ARHGAP33: variants seen among roughly 807,000 people sequenced by gnomAD.
ARHGAP33 encodes the protein rho GTPase-activating protein 33.
ARHGAP33 carries 57 observed loss-of-function variants against 126.2 expected under a neutral mutation model. The observed-to-expected ratio is 0.45, with a 90% CI of 0.36 to 0.56. ARHGAP33 has a LOEUF of 0.56. ARHGAP33 is among the 20% of genes least tolerant of loss of function. ARHGAP33 has a pLI of 0.00. For synonymous variants in ARHGAP33, 711 were observed against 755.0 expected, an observed-to-expected ratio of 0.94 and a Z score of 0.95; for missense variants, 1,500 against 1,748.3, an observed-to-expected ratio of 0.86 and a Z score of 2.53.
In ARHGAP33 at chr19:35,788,129, C is replaced by G; in HGVS notation, c.3564C>G (p.Ser1188=). 6.2e-7 allele frequency: 1 copy of G among 1,611,376 alleles called. No individual in the cohort carries two copies. The highest frequency in any genetic ancestry group is 8.5e-7 in the Non-Finnish European group (1 of 1,178,868). Residue 1188 remains serine (S), a synonymous_variant, in exon 21 of 21, where the codon TCC becomes TCG. Coordinates refer to ENST00000007510, the MANE Select transcript of ARHGAP33 (RefSeq NM_001366178.1). ...CACCTGCCTCTTCCTCCTCCTCTTC[C>G]CCTCCTGCCCACCCCCGAAGCCGTT... ...GPSPASSSSS[S]PPAHPRSRSD... is the part of the protein sequence containing the mutation.
At position 35,788,301 on chromosome 19, in the gene ARHGAP33, G is replaced by T. The variant is rs1325344396; in HGVS notation, c.3736G>T (p.Gly1246Cys). 2 of 1,608,196 alleles carry T rather than the reference G, an allele frequency of 1.2e-6. No homozygotes were observed. Among genetic ancestry groups the T allele is most frequent in the African/African-American group, 2.7e-5 (2 of 74,456 alleles). ...RAAPPAYGRG[G>C]ELHRGSLYRN... ...AGCCCCGCCAGCCTACGGAAGGGGGGGCGAGCTCCACCGAGGGTCCTTGTA... is the reference window on the plus strand; with the variant it reads ...AGCCCCGCCAGCCTACGGAAGGGGGTGCGAGCTCCACCGAGGGTCCTTGTA... The change falls in exon 21 of 21, where the codon GGC becomes TGC. Residue 1246 changes from glycine (G) to cysteine (C), a missense_variant. Around this residue, in one of 6 missense-constraint regions of ARHGAP33, gnomAD observed 642 missense variants for 634.0 expected, o/e 1.01. Transcript: ENST00000007510.
chr19:35,777,571 G>C, intron 1 of ARHGAP33, 74 bp from the exon 2 acceptor site: 1 of 1,304,886 alleles, frequency 7.7e-7, no homozygotes, highest in South Asian at 1.3e-5. Flanking sequence ...CTGGACCCGC[G>C]CTGCCAGATA....
At chr19:35,783,842 A>AGGCTCT (rs1177683754) in intron 15 of ARHGAP33, among the ~76,000 whole-genome samples, 2 of 133,926 alleles carry the variant, frequency 1.5e-5, no homozygotes, top group Admixed American at 1.7e-4. Context: ...GACCGGAAGG[A>AGGCTCT]GGCTCTGGGA....
chr19:35,782,280 G>T lies in ARHGAP33; in HGVS notation c.1086-93G>T. 6.9e-7 allele frequency: 1 copy of T among 1,447,936 alleles called. No homozygotes were observed. The allele number at this position is 1,447,936 out of a possible 1,614,324, so 89.7% of individuals were successfully genotyped here. A position where few individuals can be genotyped will look rare whatever the true frequency, so the allele number is the denominator to read the frequency against. The stretch of plus-strand genomic sequence containing the variant: ...CTGGGGAAGAGGGTTCCATCCACCT[G>T]CGGGCACTTGGGGGTAGGGGCAAGG... On this transcript the variant is annotated intron_variant, in intron 12 of 20. Coordinates refer to ENST00000007510, the MANE Select transcript of ARHGAP33 (RefSeq NM_001366178.1). The surrounding 1 kb of genome is among the most constrained non-coding windows in gnomAD (Gnocchi z 4.1).
rs769754690 is a variant in ARHGAP33, at chr19:35,785,426, G to A, written c.1885G>A (p.Val629Ile). 22 of 1,614,044 alleles carry A rather than the reference G, an allele frequency of 1.4e-5. No homozygotes were observed. The highest frequency in any genetic ancestry group is 2.2e-5 in the East Asian group (1 of 44,894). Residue 629 changes from valine (V) to isoleucine (I), a missense_variant, in exon 19 of 21, where the codon GTC becomes ATC. Physicochemically the swap from Val to Ile is conservative, Grantham distance 29. Transcript: ENST00000007510. ...TCCTGCAGGCAGCAGACCCGACACC[G>A]TCACACTGAGATCTGCCAAGAGCGA... ...PQPSGSRPDT[V>I]TLRSAKSEES...
Position 35,788,389 on chromosome 19 carries a change from G to T in ARHGAP33, c.3824G>T (p.Trp1275Leu). The change falls in exon 21 of 21, where the codon TGG becomes TTG. Residue 1275 changes from tryptophan (W) to leucine (L), a missense_variant. Coordinates refer to ENST00000007510, the MANE Select transcript of ARHGAP33 (RefSeq NM_001366178.1). ...CCACCCCCTTACCCCACTCCCAGCT[G>T]GTCCCTCCACTCTGAGGGCCAGACC... ...GPPPPYPTPS[W>L]SLHSEGQTRS... 1 of 1,584,244 alleles carries T rather than the reference G, an allele frequency of 6.3e-7. No homozygotes were observed. Among genetic ancestry groups the T allele is most frequent in the South Asian group, 1.1e-5 (1 of 87,736 alleles).
chr19:35,788,745 G>A lies in ARHGAP33; in HGVS notation c.*316G>A. ...CCTGACCTGTGCACGGGGATGGGGG[G>A]ACAACTCCTACCCTTCTTTCCCCAC... is the stretch of plus-strand genomic sequence containing the variant. On this transcript the variant is annotated 3_prime_UTR_variant, in exon 21 of 21. Transcript: ENST00000007510. 1 of 306,140 alleles carries A rather than the reference G, an allele frequency of 3.3e-6. No homozygotes were observed. Among genetic ancestry groups the A allele is most frequent in the East Asian group, 5.6e-5 (1 of 17,812 alleles). 19.0% of individuals were successfully genotyped at this position (306,140 alleles called of 1,614,324 possible).
intron 1 of ARHGAP33, 146 bp downstream of exon 1, chr19:35,775,810 C>G: frequency 1.2e-6 from 1 of 800,234 alleles, no homozygotes; most frequent in Non-Finnish European, 1.8e-6. Context: ...CGGCCCCATC[C>G]CGGGTCCCAG....
At chr19:35,776,857 T>G in intron 1 of ARHGAP33, among the ~76,000 whole-genome samples, 2 of 151,274 alleles carry the variant, frequency 1.3e-5, no homozygotes, top group Admixed American at 6.6e-5. Context: ...ATGGAGAGAG[T>G]CCAGAGGAGA....
chr19:35,788,138 C>T lies in ARHGAP33; in HGVS notation c.3573C>T (p.Ala1191=), dbSNP rs1972223008. 1 of 1,611,062 alleles carries T rather than the reference C, an allele frequency of 6.2e-7. No individual in the cohort carries two copies. Among genetic ancestry groups the T allele is most frequent in the Non-Finnish European group, 8.5e-7 (1 of 1,178,860 alleles). The change falls in exon 21 of 21, where the codon GCC becomes GCT. Residue 1191 remains alanine (A), a synonymous_variant. Transcript: ENST00000007510. ...PASSSSSSPP[A]HPRSRSDPGP... is the part of the protein sequence containing the mutation. ...CTTCCTCCTCCTCTTCCCCTCCTGC[C>T]CACCCCCGAAGCCGTTCAGATCCCG...
chr19:35,785,054 G>A lies in ARHGAP33; in HGVS notation c.1669G>A (p.Gly557Arg). The change falls in exon 17 of 21, where the codon GGG becomes AGG. Residue 557 changes from glycine (G) to arginine (R), a missense_variant. Physicochemically the swap from Gly to Arg is moderately radical, Grantham distance 125. Transcript: ENST00000007510. ...CCAGGCACGCACCCAGGGCCGGCTG[G>A]GGACGCCCACGGAGCCCACAACTCC... The part of the protein sequence containing the change: ...EAQARTQGRL[G>R]TPTEPTTPKA... The A allele has an allele frequency of 2.6e-6, 4 of 1,557,630 alleles. No homozygotes were observed. Among genetic ancestry groups the A allele is most frequent in the Non-Finnish European group, 3.5e-6 (4 of 1,150,920 alleles).
chr19:35,783,028 A>G (rs1278556678), intron 15 of ARHGAP33, 159 bp downstream of exon 15: 2 of 628,204 alleles, frequency 3.2e-6, no homozygotes, highest in Non-Finnish European at 5.6e-6. Flanking sequence ...AGCACTGAGC[A>G]TGGCCCTGTC....
At chr19:35,777,969 G>C (rs977553443) in intron 3 of ARHGAP33, 61 bp downstream of exon 3, 26 of 1,563,904 alleles carry the variant, frequency 1.7e-5, no homozygotes, top group Non-Finnish European at 2.2e-5. Context: ...ACCTTGCAAC[G>C]ATATCAGGTG....
At position 35,783,008 on chromosome 19, in the gene ARHGAP33, C is replaced by G. The variant is rs1255436914; in HGVS notation, c.1421+139C>G. ...CATGGACCTGGCCCCGTCCCTAGCA[C>G]TGGGGACCCAGCACTGAGCATGGCC... On this transcript the variant is annotated intron_variant, in intron 15 of 20. Coordinates refer to ENST00000007510, the MANE Select transcript of ARHGAP33 (RefSeq NM_001366178.1). 7.0e-6 allele frequency: 5 copies of G among 714,850 alleles called. No individual in the cohort carries two copies. In the Admixed American group the frequency reaches 1.2e-4, roughly 18 times the overall value. The allele number at this position is 714,850 out of a possible 1,614,324, so 44.3% of individuals were successfully genotyped here. A position where few individuals can be genotyped will look rare whatever the true frequency, so the allele number is the denominator to read the frequency against.
intron 12 of ARHGAP33, 85 bp downstream of exon 12, chr19:35,781,337 A>G (rs1455179367): frequency 2.2e-6 from 3 of 1,344,810 alleles, no homozygotes; most frequent in Admixed American, 3.4e-5. Context: ...CTGGGGACAC[A>G]GTTACCAGGA....
intron 15 of ARHGAP33, among the ~76,000 whole-genome samples, chr19:35,783,909 C>A (rs1191819209): frequency 8.0e-6 from 1 of 125,498 alleles, no homozygotes; most frequent in Non-Finnish European, 1.6e-5. Context: ...GAGGGGGTGA[C>A]AGATTGATTG....
At position 35,788,594 on chromosome 19, in the gene ARHGAP33, T is replaced by G; in HGVS notation, c.*165T>G. 4.9e-6 allele frequency: 3 copies of G among 608,156 alleles called. No individual in the cohort carries two copies. Among genetic ancestry groups the G allele is most frequent in the Non-Finnish European group, 8.1e-6 (3 of 368,874 alleles). The allele number at this position is 608,156 out of a possible 1,614,324, so 37.7% of individuals were successfully genotyped here. ...CCCTAACCTATAATCTCAGCTTCCC[T>G]ACCCTGGACTGAAGGGTCTGCCCAT... is the stretch of plus-strand genomic sequence containing the variant. On this transcript the variant is annotated 3_prime_UTR_variant, in exon 21 of 21. Coordinates refer to ENST00000007510, the MANE Select transcript of ARHGAP33 (RefSeq NM_001366178.1).
chr19:35,778,793 C>G (rs1270885782), intron 5 of ARHGAP33, 192 bp downstream of exon 5: 4 of 993,930 alleles, frequency 4.0e-6, no homozygotes, highest in Non-Finnish European at 5.7e-6. Context: ...GTTTTAGGAT[C>G]ATGGGGAGTT....
At position 35,779,137 on chromosome 19, in the gene ARHGAP33, A is replaced by AG; in HGVS notation, c.501+18dup. 7 of 1,548,870 alleles carry AG rather than the reference A, an allele frequency of 4.5e-6. No individual in the cohort carries two copies. The highest frequency in any genetic ancestry group is 6.1e-6 in the Non-Finnish European group (7 of 1,144,862). ...CACCTGGATGGAGGTGGGCCTGGGC[A>AG]GGGGGCTTGGAGATTCCGAGTGGGT... On this transcript the variant is annotated intron_variant, in intron 6 of 20. Transcript: ENST00000007510.
Sources: allele counts gnomAD v4.1 joint callset (sites outside exome capture counted in the v4.1 genomes callset), GRCh38; gene constraint gnomAD v4.1.1; regional missense constraint gnomAD v4.1.1; non-coding constraint Gnocchi (gnomAD v3.1); transcripts MANE v1.5; gene names NCBI Gene and HGNC (gene_info 2026-07-23, HGNC 2026-07-21).